The following STYK1 variants were observed in gnomAD, a reference collection of about 807,000 sequenced individuals.
STYK1 encodes the protein tyrosine-protein kinase STYK1.
Under a neutral mutation model 48.1 loss-of-function variants are expected in STYK1, and 46 were observed. The ratio of observed to expected loss-of-function variants is 0.96; its 90% CI spans 0.75 to 1.22. STYK1 has a LOEUF of 1.22. Among genes scored for constraint, STYK1 ranks in the 50% most tolerant of loss-of-function variants. The pLI is 0.00. For missense variants in STYK1, 527 were observed against 521.1 expected (o/e 1.01, Z -0.11); for synonymous variants, 188 against 189.0 (o/e 0.99, Z 0.04).
chr12:10,662,853 AT>A (rs1344855769), intron 1 of STYK1, among the ~76,000 whole-genome samples: 1 of 152,130 alleles, frequency 6.6e-6, no homozygotes, highest in Non-Finnish European at 1.5e-5. Flanking sequence ...ATAGTTTCTA[AT>A]TTTGACAGTT....
intron 1 of STYK1, among the ~76,000 whole-genome samples, chr12:10,661,027 T>C (rs559688723): frequency 2.6e-5 from 4 of 152,296 alleles, no homozygotes; most frequent in South Asian, 2.1e-4. Context: ...GAATTCTTTC[T>C]TGAGTGAAGT....
chr12:10,665,679 T>G (rs1455049941), intron 1 of STYK1, among the ~76,000 whole-genome samples: 2 of 152,244 alleles, frequency 1.3e-5, no homozygotes, highest in Non-Finnish European at 2.9e-5. Flanking sequence ...GACTAGCCTC[T>G]GCCAATCTCT....
chr12:10,670,244 T>C (rs941897743), intron 1 of STYK1, among the ~76,000 whole-genome samples: 2 of 152,164 alleles, frequency 1.3e-5, no homozygotes, highest in Non-Finnish European at 2.9e-5. Context: ...GAAAATGAAA[T>C]CAGTGTGTCT....
intron 1 of STYK1, among the ~76,000 whole-genome samples, chr12:10,642,900 G>A (rs1297930209): frequency 6.6e-6 from 1 of 152,138 alleles, no homozygotes; most frequent in Non-Finnish European, 1.5e-5. Context: ...ATCAGCACCT[G>A]CCTGATTTCT....
chr12:10,658,391 A>G lies in STYK1; in HGVS notation c.-195+15575T>C, dbSNP rs945827283. Among the ~76,000 whole-genome samples the G allele has an allele frequency of 6.6e-5, 10 of 152,282 alleles. No individual in the cohort carries two copies. In the East Asian group the frequency reaches 1.9e-3, roughly 29 times the overall value. ...CGAAATTTTGTTTGCCTTTTGAATA[A>G]ACTATAAGAAAAAGAAAGGAAGGAA... On this transcript the variant is annotated intron_variant, in intron 1 of 10. Transcript: ENST00000075503.
chr12:10,638,728 C>T (rs1000114283), intron 1 of STYK1, among the ~76,000 whole-genome samples: 1 of 152,176 alleles, frequency 6.6e-6, no homozygotes, highest in Non-Finnish European at 1.5e-5. Context: ...ACTTTTCTTA[C>T]CAAAATATAC....
At chr12:10,642,138 C>T (rs1415307342) in intron 1 of STYK1, among the ~76,000 whole-genome samples, 1 of 152,224 alleles carries the variant, frequency 6.6e-6, no homozygotes, top group Non-Finnish European at 1.5e-5. Flanking sequence ...TATGCTACCT[C>T]TCCTTGTCCC....
At chr12:10,633,275 T>C (rs1214835061) in intron 4 of STYK1, among the ~76,000 whole-genome samples, 1 of 152,198 alleles carries the variant, frequency 6.6e-6, no homozygotes, top group Non-Finnish European at 1.5e-5. Context: ...GATGAAAACC[T>C]TATTTTAGTG....
intron 1 of STYK1, among the ~76,000 whole-genome samples, chr12:10,652,904 C>T (rs1443721470): frequency 6.6e-6 from 1 of 152,136 alleles, no homozygotes; most frequent in Non-Finnish European, 1.5e-5. Flanking sequence ...TGAAATTCAT[C>T]TTGTTTTCCT....
At chr12:10,664,027 A>AAAG (rs562753051) in intron 1 of STYK1, among the ~76,000 whole-genome samples, 174 of 152,354 alleles carry the variant, frequency 1.1e-3, no homozygotes, top group South Asian at 8.7e-3. Context: ...TCTGTCTCCG[A>AAAG]AAGAATCTGT....
At chr12:10,630,865 AT>A (rs1045821900) in intron 5 of STYK1, among the ~76,000 whole-genome samples, 179 bp downstream of exon 5, 1 of 151,992 alleles carries the variant, frequency 6.6e-6, no homozygotes, top group Non-Finnish European at 1.5e-5. Flanking sequence ...CAAATAAACA[AT>A]TTGTGTAATT....
chr12:10,625,208 TTG>T (rs1212497398), intron 7 of STYK1, among the ~76,000 whole-genome samples: 10 of 29,752 alleles, frequency 3.4e-4, no homozygotes, highest in African/African-American at 6.0e-4. Context: ...CTTTCTTTTT[TTG>T]TTTGTTTGTT....
intron 1 of STYK1, among the ~76,000 whole-genome samples, chr12:10,658,738 C>A (rs2418091): frequency 0.55 from 83,431 of 151,972 alleles, 23,608 homozygotes; most frequent in East Asian, 0.79. Context: ...TTGTGTTTGG[C>A]TTTCTTTGGG....
chr12:10,640,035 ATAGAAG>A (rs1223458727), intron 1 of STYK1, among the ~76,000 whole-genome samples: 6 of 152,222 alleles, frequency 3.9e-5, no homozygotes, highest in Non-Finnish European at 7.3e-5. Flanking sequence ...TATTCTGAAA[ATAGAAG>A]TAGAATCAGA....
chr12:10,626,152 A>G (rs1947356411), intron 7 of STYK1, among the ~76,000 whole-genome samples: 1 of 152,236 alleles, frequency 6.6e-6, no homozygotes, highest in Non-Finnish European at 1.5e-5. Flanking sequence ...ATAAGAAATT[A>G]TAGTGCCATG....
At chr12:10,621,404 T>G (rs1591672038) in intron 10 of STYK1, among the ~76,000 whole-genome samples, 5 of 152,334 alleles carry the variant, frequency 3.3e-5, no homozygotes, top group Admixed American at 3.3e-4. Context: ...AGGGAGACAG[T>G]CATTTAAAAG....
intron 8 of STYK1, among the ~76,000 whole-genome samples, chr12:10,623,200 A>G (rs1947316892): frequency 6.6e-6 from 1 of 152,250 alleles, no homozygotes; most frequent in Non-Finnish European, 1.5e-5. Flanking sequence ...CCTAAGCAAT[A>G]TGACTTGAGA....
At chr12:10,657,729 C>T (rs1454798764) in intron 1 of STYK1, among the ~76,000 whole-genome samples, 1 of 152,186 alleles carries the variant, frequency 6.6e-6, no homozygotes, top group Non-Finnish European at 1.5e-5. Flanking sequence ...AGAATCAGAC[C>T]TTATCTTGTA....
intron 7 of STYK1, 119 bp from the exon 8 acceptor site, chr12:10,624,978 C>A (rs1270859824): frequency 4.8e-5 from 38 of 798,398 alleles, no homozygotes; most frequent in Non-Finnish European, 2.3e-5. Flanking sequence ...CTGAACAAGT[C>A]TCACTAATAA....
Sources: allele counts gnomAD v4.1 joint callset (sites outside exome capture counted in the v4.1 genomes callset), GRCh38; gene constraint gnomAD v4.1.1; transcripts MANE v1.5; gene names NCBI Gene and HGNC (gene_info 2026-07-23, HGNC 2026-07-21).